The following KL variants were observed in gnomAD, a reference collection of about 807,000 sequenced individuals.
KL encodes klotho, also known as alpha-klotho.
A neutral mutation model predicts 84.2 loss-of-function variants in KL; 62 were observed. The ratio of observed to expected loss-of-function variants is 0.74; its 90% CI spans 0.60 to 0.91. The LOEUF is 0.91. Among genes scored for constraint, KL ranks in the 40% least tolerant of loss-of-function variants. The pLI is 0.00. For synonymous variants in KL, 528 were observed against 528.0 expected, an observed-to-expected ratio of 1.00 and a Z score of 0.00; for missense variants, 1,261 against 1,305.7, an observed-to-expected ratio of 0.97 and a Z score of 0.53.
At chr13:33,051,210 C>G (rs1593805265) in intron 1 of KL, among the ~76,000 whole-genome samples, 1 of 152,138 alleles carries the variant, frequency 6.6e-6, no homozygotes, top group Non-Finnish European at 1.5e-5. Flanking sequence ...GTTAGATTTA[C>G]CTGCCCAAAT....
chr13:33,055,295 G>A lies in KL; in HGVS notation c.1579G>A (p.Val527Ile). 1.2e-6 allele frequency: 2 copies of A among 1,614,166 alleles called. No homozygotes were observed. The highest frequency in any genetic ancestry group is 1.7e-6 in the Non-Finnish European group (2 of 1,180,022). The change falls in exon 3 of 5, where the codon GTT becomes ATT. Residue 527 changes from valine to isoleucine, a missense_variant. Val to Ile is a conservative substitution (Grantham distance 29). Coordinates refer to ENST00000380099, the MANE Select transcript of KL (RefSeq NM_004795.4). ...GTFPCDFAWG[V>I]VDNYIQVDTT... ...ATTTCCCTGTGACTTTGCTTGGGGA[G>A]TTGTTGACAACTACATTCAAGTAAG... is the stretch of plus-strand genomic sequence containing the variant.
At position 33,064,154 on chromosome 13, in the gene KL, T is replaced by C; in HGVS notation, c.3007T>C (p.Tyr1003His). Reference protein sequence around the residue: ...SIISLSLIFYYSKKGRRSYK With the variant: ...SIISLSLIFYHSKKGRRSYK ...TATTTCTCTCTCCCTTATATTTTAC[T>C]ACTCGAAGAAAGGCAGAAGAAGTTA... is the stretch of plus-strand genomic sequence containing the variant. The change falls in exon 5 of 5, where the codon TAC (tyrosine) becomes CAC (histidine). Residue 1003 changes from tyrosine (Y) to histidine (H), a missense_variant. Transcript: ENST00000380099. 6.2e-7 allele frequency: 1 copy of C among 1,610,906 alleles called. No individual in the cohort carries two copies. Among genetic ancestry groups the C allele is most frequent in the Non-Finnish European group, 8.5e-7 (1 of 1,177,862 alleles).
intron 1 of KL, among the ~76,000 whole-genome samples, chr13:33,020,786 G>A (rs1373962694): frequency 6.6e-6 from 1 of 152,172 alleles, no homozygotes; most frequent in Non-Finnish European, 1.5e-5. Context: ...AATGGGAACA[G>A]CCTCACTGCT....
At position 33,060,847 on chromosome 13, in the gene KL, G is replaced by A. The variant is rs1321884076; in HGVS notation, c.1768G>A (p.Val590Ile). ...GATCGCTTTACTCCAGGAAATGCAC[G>A]TTACACATTTTCGCTTCTCCCTGGA... The part of the protein sequence containing the change: ...PQIALLQEMH[V>I]THFRFSLDWA... Residue 590 changes from valine (V) to isoleucine (I), a missense_variant, in exon 4 of 5, where the codon GTT becomes ATT. Coordinates refer to ENST00000380099, the MANE Select transcript of KL (RefSeq NM_004795.4). The A allele has an allele frequency of 4.3e-6, 7 of 1,614,206 alleles. No homozygotes were observed. Among genetic ancestry groups the A allele is most frequent in the South Asian group, 1.1e-5 (1 of 91,082 alleles).
intron 1 of KL, among the ~76,000 whole-genome samples, chr13:33,024,059 A>G (rs1026331460): frequency 3.9e-5 from 6 of 152,202 alleles, no homozygotes; most frequent in African/African-American, 1.4e-4. Flanking sequence ...CTCCTCCGTG[A>G]CTGTCTCTTT....
intron 1 of KL, among the ~76,000 whole-genome samples, chr13:33,053,565 A>G (rs1871831156): frequency 6.6e-6 from 1 of 152,232 alleles, no homozygotes; most frequent in African/African-American, 2.4e-5. Flanking sequence ...AGACCAATGG[A>G]AATAACTCTA....
chr13:33,017,097 C>T lies in KL; in HGVS notation c.657C>T (p.Tyr219=). The part of the protein sequence containing the change: ...NRALADHFRD[Y]AELCFRHFGG... ...CCCTGGCCGACCACTTCAGGGATTA[C>T]GCGGAGCTCTGCTTCCGCCACTTCG... The change falls in exon 1 of 5, where the codon TAC becomes TAT. Residue 219 remains tyrosine, a synonymous_variant. Coordinates refer to ENST00000380099, the MANE Select transcript of KL (RefSeq NM_004795.4). 2.5e-6 allele frequency: 4 copies of T among 1,605,520 alleles called. No homozygotes were observed. Among genetic ancestry groups the T allele is most frequent in the Non-Finnish European group, 3.4e-6 (4 of 1,179,744 alleles).
At position 33,044,640 on chromosome 13, in the gene KL, C is replaced by CTTTTTTTTTTTT. The variant is rs71071071; in HGVS notation, c.820-9110_820-9099dup. Among the ~76,000 whole-genome samples the CTTTTTTTTTTTT allele has an allele frequency of 2.3e-3, 121 of 52,756 alleles. 39 individuals are homozygous for CTTTTTTTTTTTT. The highest frequency in any genetic ancestry group is 3.1e-3 in the Non-Finnish European group (96 of 31,302). 34.6% of individuals were successfully genotyped at this position (52,756 alleles called of 152,430 possible). On this transcript the variant is annotated intron_variant, in intron 1 of 4. Transcript: ENST00000380099. The stretch of plus-strand genomic sequence containing the variant: ...TTCATATATAAATGCAATTGATTTT[C>CTTTTTTTTTTTT]TTTTTTTTTTTTTTTTTTTTTTTTT...
chr13:33,062,284 G>C (rs1053231245), intron 4 of KL, among the ~76,000 whole-genome samples: 2 of 152,050 alleles, frequency 1.3e-5, no homozygotes, highest in African/African-American at 4.8e-5. Context: ...TGGGAGGAGA[G>C]GCGGGAGGAT....
chr13:33,056,639 C>A (rs375373390), intron 3 of KL, among the ~76,000 whole-genome samples: 28 of 144,476 alleles, frequency 1.9e-4, no homozygotes, highest in East Asian at 6.2e-4. Flanking sequence ...ACTAAAAATA[C>A]AAAAAAAAAA....
intron 1 of KL, among the ~76,000 whole-genome samples, chr13:33,048,085 C>T (rs928622142): frequency 6.6e-6 from 1 of 152,058 alleles, no homozygotes; most frequent in African/African-American, 2.4e-5. Flanking sequence ...CTGCTAATCC[C>T]AATGTCTGGG....
intron 2 of KL, among the ~76,000 whole-genome samples, chr13:33,054,833 A>AAAAC (rs1471638309): frequency 1.3e-5 from 2 of 152,234 alleles, no homozygotes; most frequent in East Asian, 3.8e-4. Context: ...AGAAATCCAA[A>AAAAC]AAACATATTA....
At chr13:33,062,346 A>T (rs532491550) in intron 4 of KL, among the ~76,000 whole-genome samples, 4 of 151,544 alleles carry the variant, frequency 2.6e-5, no homozygotes, top group African/African-American at 9.7e-5. Flanking sequence ...CAGCACTGCA[A>T]TCTGGCCTGG....
intron 1 of KL, among the ~76,000 whole-genome samples, chr13:33,046,425 T>C (rs1272636987): frequency 6.6e-6 from 1 of 152,224 alleles, no homozygotes; most frequent in Non-Finnish European, 1.5e-5. Flanking sequence ...GGCATCCAAA[T>C]GTTCATAATG....
At chr13:33,048,194 G>A (rs1435986364) in intron 1 of KL, among the ~76,000 whole-genome samples, 1 of 151,790 alleles carries the variant, frequency 6.6e-6, no homozygotes, top group Admixed American at 6.6e-5. Context: ...TTTTTATTAT[G>A]CTCTGTGTGC....
In KL at chr13:33,060,981, G is replaced by A; in HGVS notation, c.1902G>A (p.Val634=). Residue 634 remains valine, a synonymous_variant, in exon 4 of 5, where the codon GTG becomes GTA. Coordinates refer to ENST00000380099, the MANE Select transcript of KL (RefSeq NM_004795.4). ...SELVRVNITP[V]VALWQPMAPN... ...TTGTCCGTGTCAACATCACCCCAGT[G>A]GTGGCCCTGTGGCAGCCTATGGCCC... 3.7e-6 allele frequency: 6 copies of A among 1,612,784 alleles called. No individual in the cohort carries two copies. Among genetic ancestry groups the A allele is most frequent in the Non-Finnish European group, 5.1e-6 (6 of 1,178,978 alleles).
At chr13:33,021,013 G>A (rs117202175) in intron 1 of KL, among the ~76,000 whole-genome samples, 505 of 152,028 alleles carry the variant, frequency 3.3e-3, no homozygotes, top group Non-Finnish European at 5.5e-3. Flanking sequence ...GCCTCCTCCC[G>A]CGCTCTTCCC....
At chr13:33,035,496 G>A (rs1871122276) in intron 1 of KL, among the ~76,000 whole-genome samples, 1 of 152,144 alleles carries the variant, frequency 6.6e-6, no homozygotes, top group Admixed American at 6.5e-5. Context: ...ACTAATAGAT[G>A]TTTACTGAAA....
intron 1 of KL, among the ~76,000 whole-genome samples, chr13:33,031,532 T>C (rs1029567135): frequency 6.6e-6 from 1 of 152,222 alleles, no homozygotes. Context: ...GGAAATGTTA[T>C]AGTGCCCTAT....
Sources: allele counts gnomAD v4.1 joint callset (sites outside exome capture counted in the v4.1 genomes callset), GRCh38; gene constraint gnomAD v4.1.1; transcripts MANE v1.5; gene names NCBI Gene and HGNC (gene_info 2026-07-23, HGNC 2026-07-21).